KCNH8: variants seen among roughly 807,000 people sequenced by gnomAD.
KCNH8 encodes the protein potassium voltage-gated channel subfamily H member 8.
KCNH8 carries 70 observed loss-of-function variants against 103.6 expected under a neutral mutation model. The ratio of observed to expected loss-of-function variants is 0.68; its 90% CI spans 0.56 to 0.82. KCNH8 has a LOEUF of 0.82. Ranked by LOEUF, KCNH8 falls within the 40% of genes least tolerant of loss-of-function variation. KCNH8 has a pLI of 0.00. For missense variants in KCNH8, 1,217 were observed against 1,329.9 expected, an observed-to-expected ratio of 0.92 and a Z score of 1.32; for synonymous variants, 498 against 489.4, an observed-to-expected ratio of 1.02 and a Z score of -0.23.
rs1409587214 is a variant in KCNH8 at position 19,438,221 on chromosome 3, T to TG, written c.1241dup (p.Ser416ValfsTer28). 2.5e-6 allele frequency: 4 copies of TG among 1,614,040 alleles called. No individual in the cohort carries two copies. The highest frequency in any genetic ancestry group is 3.4e-6 in the Non-Finnish European group (4 of 1,179,992). On this transcript the variant is annotated frameshift_variant, in exon 8 of 16. Coordinates refer to ENST00000328405, the MANE Select transcript of KCNH8 (RefSeq NM_144633.3). LOFTEE classifies it high-confidence loss of function. ...TCTCCATACTATGGCAACAATACCTTGGGGGGCCCGTCGATCCGAAGTGCC... is the reference window on the plus strand; with the variant it reads ...TCTCCATACTATGGCAACAATACCTTGGGGGGGCCCGTCGATCCGAAGTGCC...
At chr3:19,196,041 GT>G (rs1251611666) in intron 1 of KCNH8, among the ~76,000 whole-genome samples, 1 of 151,832 alleles carries the variant, frequency 6.6e-6, no homozygotes, top group Non-Finnish European at 1.5e-5. Context: ...GCCCAAGTTA[GT>G]TTATTTTTCT....
chr3:19,453,662 A>G (rs1055656109), intron 10 of KCNH8, among the ~76,000 whole-genome samples: 1 of 152,178 alleles, frequency 6.6e-6, no homozygotes, highest in African/African-American at 2.4e-5. Context: ...GCCCTCGTGA[A>G]TGGGATTCGT....
chr3:19,208,165 T>G (rs1212033827), intron 1 of KCNH8, among the ~76,000 whole-genome samples: 3 of 151,984 alleles, frequency 2.0e-5, no homozygotes, highest in Non-Finnish European at 4.4e-5. Context: ...CAAGCACAAT[T>G]TAAAGAAATT....
chr3:19,526,241 T>C (rs1368826141), intron 15 of KCNH8, among the ~76,000 whole-genome samples: 1 of 151,812 alleles, frequency 6.6e-6, no homozygotes, highest in Admixed American at 6.6e-5. Context: ...CTCTTCAAGC[T>C]AAGAAGATTA....
intron 14 of KCNH8, among the ~76,000 whole-genome samples, chr3:19,517,167 A>G (rs1251221080): frequency 6.6e-6 from 1 of 151,914 alleles, no homozygotes; most frequent in Non-Finnish European, 1.5e-5. Flanking sequence ...AGTGTCAACT[A>G]TATTTTCTTT....
At chr3:19,326,587 A>G (rs1336135062) in intron 3 of KCNH8, among the ~76,000 whole-genome samples, 2 of 151,834 alleles carry the variant, frequency 1.3e-5, no homozygotes, top group African/African-American at 2.4e-5. Context: ...CTAAGCAGCT[A>G]TTTCTTCCAG....
chr3:19,483,608 G>A (rs970180702), intron 11 of KCNH8, among the ~76,000 whole-genome samples: 4 of 152,054 alleles, frequency 2.6e-5, no homozygotes, highest in South Asian at 2.1e-4. Flanking sequence ...CTACATGCTC[G>A]GCTAATTGCA....
chr3:19,359,545 G>T (rs941877765), intron 5 of KCNH8, among the ~76,000 whole-genome samples: 1 of 151,938 alleles, frequency 6.6e-6, no homozygotes, highest in Non-Finnish European at 1.5e-5. Context: ...ACCGTGGGAC[G>T]ACTGAAGTTT....
intron 5 of KCNH8, among the ~76,000 whole-genome samples, chr3:19,358,780 A>G (rs1312225711): frequency 2.6e-5 from 4 of 151,986 alleles, no homozygotes; most frequent in Admixed American, 6.6e-5. Flanking sequence ...TAACATGTCC[A>G]GAGTAAATAC....
chr3:19,330,246 A>G (rs1221866990), intron 3 of KCNH8, among the ~76,000 whole-genome samples: 1 of 152,132 alleles, frequency 6.6e-6, no homozygotes, highest in Non-Finnish European at 1.5e-5. Flanking sequence ...CTCAGACCAG[A>G]GGCCAGTTTC....
chr3:19,529,501 T>C (rs368150890), intron 15 of KCNH8, among the ~76,000 whole-genome samples: 1 of 152,170 alleles, frequency 6.6e-6, no homozygotes, highest in Admixed American at 6.6e-5. Context: ...TACCATGCTA[T>C]GAAGAAGCAC....
chr3:19,314,136 G>A (rs2065242775), intron 3 of KCNH8, among the ~76,000 whole-genome samples: 1 of 151,868 alleles, frequency 6.6e-6, no homozygotes, highest in Admixed American at 6.6e-5. Context: ...TCTCAAATAG[G>A]AATATATTTA....
chr3:19,375,194 A>T (rs2066173172), intron 5 of KCNH8, among the ~76,000 whole-genome samples: 1 of 152,100 alleles, frequency 6.6e-6, no homozygotes. Flanking sequence ...AATATCCTGC[A>T]GGGTGTTTTC....
intron 11 of KCNH8, among the ~76,000 whole-genome samples, chr3:19,497,193 C>A (rs764438968): frequency 2.0e-5 from 3 of 151,828 alleles, no homozygotes; most frequent in Non-Finnish European, 4.4e-5. Context: ...TTTTAAAAAC[C>A]AACTCTTGGA....
intron 4 of KCNH8, among the ~76,000 whole-genome samples, chr3:19,345,930 T>C (rs1424330778): frequency 6.6e-6 from 1 of 152,098 alleles, no homozygotes; most frequent in South Asian, 2.1e-4. Context: ...TGTGACAGAA[T>C]CACTAATGCT....
intron 2 of KCNH8, among the ~76,000 whole-genome samples, chr3:19,267,929 T>C (rs2064535567): frequency 6.6e-6 from 1 of 152,142 alleles, no homozygotes; most frequent in African/African-American, 2.4e-5. Context: ...AAGTGAAGTG[T>C]AAAGTGCCTT....
chr3:19,177,459 T>C (rs2063411553), intron 1 of KCNH8, among the ~76,000 whole-genome samples: 1 of 152,112 alleles, frequency 6.6e-6, no homozygotes, highest in Non-Finnish European at 1.5e-5. Context: ...TTATGTTCTA[T>C]CTTTTAATTC....
chr3:19,429,230 G>A (rs2067080166), intron 7 of KCNH8, among the ~76,000 whole-genome samples: 1 of 142,452 alleles, frequency 7.0e-6, no homozygotes, highest in Non-Finnish European at 1.5e-5. Context: ...CTGGAGTGCA[G>A]TGGCGCGATC....
chr3:19,375,214 T>A (rs1400014633), intron 5 of KCNH8, among the ~76,000 whole-genome samples: 3 of 152,078 alleles, frequency 2.0e-5, no homozygotes, highest in African/African-American at 7.3e-5. Context: ...CCAGGTTGGT[T>A]CCATTCTCCC....
Sources: gnomAD v4.1 joint callset for allele counts (sites outside exome capture counted in the v4.1 genomes callset) on GRCh38, gnomAD v4.1.1 for gene constraint, MANE v1.5 for transcripts, NCBI Gene and HGNC (gene_info 2026-07-23, HGNC 2026-07-21) for gene names.